The following TMTC2 variants were observed in gnomAD, a reference collection of about 807,000 sequenced individuals.
The protein encoded by TMTC2 is protein O-mannosyl-transferase TMTC2.
A neutral mutation model predicts 82.4 loss-of-function variants in TMTC2; 43 were observed. That is an observed-to-expected ratio of 0.52 (90% CI 0.41 to 0.67). The LOEUF is 0.67. TMTC2 is among the 30% of genes least tolerant of loss of function. The pLI is 0.00. For synonymous variants in TMTC2, 408 were observed against 381.9 expected (o/e 1.07, Z -0.80); for missense variants, 919 against 1,012.4 (o/e 0.91, Z 1.25).
chr12:83,045,752 C>CACACA (rs3223367), intron 9 of TMTC2, among the ~76,000 whole-genome samples: 19 of 149,228 alleles, frequency 1.3e-4, no homozygotes, highest in South Asian at 2.1e-4. Context: ...CACACACACA[C>CACACA]CAGGAGTGTC....
At chr12:82,989,050 G>A (rs1879294678) in intron 8 of TMTC2, among the ~76,000 whole-genome samples, 1 of 150,852 alleles carries the variant, frequency 6.6e-6, no homozygotes, top group African/African-American at 2.4e-5. Context: ...ATAATCCTTA[G>A]AAAGAGACAG....
chr12:82,815,287 A>AT (rs35061351), intron 1 of TMTC2, among the ~76,000 whole-genome samples: 34,764 of 144,026 alleles, frequency 0.24, 5,137 homozygotes, highest in African/African-American at 0.43. Flanking sequence ...TTGCGCATTT[A>AT]TTTTTTTTAA....
chr12:82,972,741 G>A (rs1878504580), intron 7 of TMTC2, among the ~76,000 whole-genome samples: 1 of 152,084 alleles, frequency 6.6e-6, no homozygotes, highest in South Asian at 2.1e-4. Flanking sequence ...AAATGTTCTC[G>A]CTCGTAAATT....
intron 8 of TMTC2, among the ~76,000 whole-genome samples, chr12:83,028,464 G>A (rs139812240): frequency 1.3e-5 from 2 of 152,116 alleles, no homozygotes; most frequent in Non-Finnish European, 1.5e-5. Context: ...CTCTGGTGTC[G>A]TAGATTTGTT....
At chr12:83,098,248 A>G (rs1418029503) in intron 11 of TMTC2, among the ~76,000 whole-genome samples, 1 of 152,196 alleles carries the variant, frequency 6.6e-6, no homozygotes, top group Non-Finnish European at 1.5e-5. Context: ...TCTTCATGTT[A>G]GTTATTACAT....
intron 11 of TMTC2, among the ~76,000 whole-genome samples, chr12:83,095,097 T>C (rs1339144962): frequency 6.6e-6 from 1 of 152,130 alleles, no homozygotes; most frequent in Non-Finnish European, 1.5e-5. Flanking sequence ...AAGGGAATTA[T>C]TCAAGAGGTT....
intron 4 of TMTC2, among the ~76,000 whole-genome samples, chr12:82,952,442 A>G (rs1047261086): frequency 2.0e-5 from 3 of 152,114 alleles, no homozygotes; most frequent in Non-Finnish European, 4.4e-5. Flanking sequence ...AATTAAATGA[A>G]GTTTTTATTA....
At chr12:82,973,565 T>C (rs1878538824) in intron 7 of TMTC2, among the ~76,000 whole-genome samples, 2 of 152,174 alleles carry the variant, frequency 1.3e-5, no homozygotes, top group Admixed American at 6.5e-5. Flanking sequence ...CTTAAAAAAG[T>C]GCAGTTTTTA....
In TMTC2 at chr12:82,910,047, A is replaced by G. The variant is rs576741992; in HGVS notation, c.1483+13401A>G. On this transcript the variant is annotated intron_variant, in intron 3 of 11. Transcript: ENST00000321196. ...TATAGATACAATTGCTGATATTGTT[A>G]AAGAGCAGATTTTCGAGAGGACAAA... Among the ~76,000 whole-genome samples the G allele has an allele frequency of 6.6e-5, 10 of 152,316 alleles. No individual in the cohort carries two copies. In the South Asian group the frequency reaches 8.3e-4, roughly 13 times the overall value.
At chr12:82,859,657 G>A (rs1871432544) in intron 2 of TMTC2, among the ~76,000 whole-genome samples, 1 of 152,180 alleles carries the variant, frequency 6.6e-6, no homozygotes, top group Non-Finnish European at 1.5e-5. Context: ...TGTAACAGCT[G>A]CTTCAAAAAT....
rs559369404 is a variant in TMTC2 at position 82,895,969 on chromosome 12, G to A, written c.806G>A (p.Arg269His). Reference sequence around the variant, plus strand: ...GCTGATTCGGACAGCCTCCTCACCCGCACTCTCACCTTCTTCTACTTGCCA... The same window carrying A: ...GCTGATTCGGACAGCCTCCTCACCCACACTCTCACCTTCTTCTACTTGCCA... ...PAADSDSLLT[R>H]TLTFFYLPTK... The change falls in exon 3 of 12, where the codon CGC (arginine) becomes CAC (histidine). Residue 269 changes from arginine to histidine, a missense_variant. By Grantham distance (29) the Arg-to-His change is conservative. Transcript: ENST00000321196. The A allele has an allele frequency of 5.0e-6, 8 of 1,613,650 alleles. No individual in the cohort carries two copies. Among genetic ancestry groups the A allele is most frequent in the East Asian group, 2.2e-5 (1 of 44,822 alleles).
intron 11 of TMTC2, among the ~76,000 whole-genome samples, chr12:83,069,379 T>A (rs2137484999): frequency 6.6e-6 from 1 of 152,262 alleles, no homozygotes; most frequent in South Asian, 2.1e-4. Flanking sequence ...ATTTCTTGAT[T>A]ATGGCCATTC....
chr12:82,701,208 G>T (rs1358269334), intron 1 of TMTC2, among the ~76,000 whole-genome samples: 1 of 152,132 alleles, frequency 6.6e-6, no homozygotes, highest in Non-Finnish European at 1.5e-5. Context: ...CTTAGGTAAT[G>T]ACATATCTTA....
chr12:82,778,230 A>T (rs1223621338), intron 1 of TMTC2, among the ~76,000 whole-genome samples: 10 of 152,260 alleles, frequency 6.6e-5, no homozygotes, highest in Admixed American at 6.5e-4. Flanking sequence ...AAGTTTCATT[A>T]TTCCCCAATC....
chr12:82,842,538 A>G (rs1870397464), intron 1 of TMTC2, among the ~76,000 whole-genome samples: 1 of 152,214 alleles, frequency 6.6e-6, no homozygotes, highest in African/African-American at 2.4e-5. Flanking sequence ...CTGAAACTGA[A>G]AGATAAACAG....
intron 8 of TMTC2, among the ~76,000 whole-genome samples, chr12:82,997,342 GTGTGTGTATATATATATATATA>G (rs1879682550): frequency 8.9e-5 from 2 of 22,540 alleles, no homozygotes; most frequent in African/African-American, 2.3e-4. Flanking sequence ...GTGTGTGTGT[GTGTGTGTATATATATATATATA>G]TGTGTATATA....
At chr12:82,791,105 C>A (rs1287875747) in intron 1 of TMTC2, among the ~76,000 whole-genome samples, 2 of 152,104 alleles carry the variant, frequency 1.3e-5, no homozygotes, top group East Asian at 3.9e-4. Flanking sequence ...TTTGACATAG[C>A]TTATTCTTTC....
chr12:83,027,025 G>T (rs1026031652), intron 8 of TMTC2, among the ~76,000 whole-genome samples: 40 of 152,174 alleles, frequency 2.6e-4, no homozygotes, highest in African/African-American at 9.6e-4. Context: ...TCCTAATTGG[G>T]ATGGTGGTTT....
intron 3 of TMTC2, among the ~76,000 whole-genome samples, chr12:82,907,222 G>T (rs1046773716): frequency 2.6e-5 from 4 of 151,850 alleles, no homozygotes; most frequent in African/African-American, 9.7e-5. Context: ...CCAGCACTTT[G>T]GGAGGCCAAG....
Sources: allele counts gnomAD v4.1 joint callset (sites outside exome capture counted in the v4.1 genomes callset), GRCh38; gene constraint gnomAD v4.1.1; transcripts MANE v1.5; gene names NCBI Gene and HGNC (gene_info 2026-07-23, HGNC 2026-07-21).